DNAI2: variants seen among roughly 807,000 people sequenced by gnomAD.
DNAI2 encodes the protein dynein axonemal intermediate chain 2.
In DNAI2, 63 loss-of-function variants were observed where a neutral mutation model predicts 74.7. That is an observed-to-expected ratio of 0.84 (90% CI 0.69 to 1.04). The LOEUF is 1.04. Among genes scored for constraint, DNAI2 ranks in the 50% least tolerant of loss-of-function variants. The probability of loss-of-function intolerance (pLI) is 0.00; values close to 1 mark genes in which losing one functional copy is unlikely to be tolerated. For synonymous variants in DNAI2, 289 were observed against 314.9 expected (o/e 0.92, Z 0.87); for missense variants, 688 against 803.2 (o/e 0.86, Z 1.73).
intron 8 of DNAI2, among the ~76,000 whole-genome samples, chr17:74,301,711 C>T (rs1354141130): frequency 1.3e-5 from 2 of 151,598 alleles, no homozygotes; most frequent in East Asian, 1.9e-4. Context: ...GGGTGGCTCA[C>T]GCCTGTAATC....
chr17:74,285,472 C>G (rs1372535349), intron 3 of DNAI2, among the ~76,000 whole-genome samples: 1 of 152,134 alleles, frequency 6.6e-6, no homozygotes, highest in Admixed American at 6.5e-5. Context: ...AAGTGCCCCA[C>G]CCAGCAGCCA....
Position 74,300,905 on chromosome 17 carries a change from A to C in DNAI2, c.865-141A>C. 8.6e-7 allele frequency: 1 copy of C among 1,160,042 alleles called. No individual in the cohort carries two copies. The highest frequency in any genetic ancestry group is 1.3e-6 in the Non-Finnish European group (1 of 794,036). The allele number at this position is 1,160,042 out of a possible 1,614,324, so 71.9% of individuals were successfully genotyped here. A position where few individuals can be genotyped will look rare whatever the true frequency, so the allele number is the denominator to read the frequency against. On this transcript the variant is annotated intron_variant, in intron 7 of 13. Transcript: ENST00000311014. The surrounding 1 kb of genome is among the most constrained non-coding windows in gnomAD (Gnocchi z 4.5). The stretch of plus-strand genomic sequence containing the variant: ...GACAGAACAGCAATCCTCAAAGTGT[A>C]TTTGCTCCCACGAATTGCCGGGAGC...
chr17:74,299,933 C>T, intron 7 of DNAI2, 76 bp downstream of exon 7: 2 of 1,589,356 alleles, frequency 1.3e-6, no homozygotes, highest in Non-Finnish European at 1.7e-6. Context: ...CATCAGAACC[C>T]CTGGGGACAT....
At chr17:74,312,295 G>A (rs2053577896) in intron 12 of DNAI2, 65 bp downstream of exon 12, 3 of 571,122 alleles carry the variant, frequency 5.3e-6, no homozygotes, top group Non-Finnish European at 1.0e-5. Flanking sequence ...CTTGGGTTCT[G>A]CTTCTGCTTG....
At chr17:74,284,138 C>CAA (rs545732470) in intron 2 of DNAI2, among the ~76,000 whole-genome samples, 2 of 72,346 alleles carry the variant, frequency 2.8e-5, no homozygotes, top group Non-Finnish European at 5.9e-5. Flanking sequence ...AACTCCTTTT[C>CAA]AAAAAAAAAA....
chr17:74,277,049 C>T (rs1409444586), intron 1 of DNAI2, among the ~76,000 whole-genome samples: 1 of 150,410 alleles, frequency 6.6e-6, no homozygotes, highest in Non-Finnish European at 1.5e-5. Flanking sequence ...CCCTCTAAGC[C>T]ATTGCTCCCA....
At chr17:74,296,496 G>A (rs867170937) in intron 6 of DNAI2, among the ~76,000 whole-genome samples, 1 of 152,148 alleles carries the variant, frequency 6.6e-6, no homozygotes, top group South Asian at 2.1e-4. Context: ...CAAAGTACAG[G>A]CGTGAGCCAC....
chr17:74,298,436 C>G (rs959437092), intron 6 of DNAI2, among the ~76,000 whole-genome samples: 1 of 152,118 alleles, frequency 6.6e-6, no homozygotes, highest in East Asian at 1.9e-4. Flanking sequence ...TCCTGAGAAG[C>G]TGGGATTACA....
intron 4 of DNAI2, among the ~76,000 whole-genome samples, 168 bp downstream of exon 4, chr17:74,287,266 G>T (rs146452121): frequency 6.6e-6 from 1 of 152,346 alleles, no homozygotes; most frequent in East Asian, 1.9e-4. Context: ...AAGTGGCCCT[G>T]CTCTGGGGGC....
chr17:74,277,033 C>G (rs1419145029), intron 1 of DNAI2, among the ~76,000 whole-genome samples: 1 of 151,696 alleles, frequency 6.6e-6, no homozygotes, highest in Non-Finnish European at 1.5e-5. Context: ...CTCATCCCAC[C>G]CTGTGCCCTC....
At chr17:74,290,136 T>C (rs2051999417) in intron 5 of DNAI2, among the ~76,000 whole-genome samples, 1 of 152,152 alleles carries the variant, frequency 6.6e-6, no homozygotes, top group Non-Finnish European at 1.5e-5. Flanking sequence ...GCTAACATGA[T>C]AAAACCCTGT....
At position 74,289,566 on chromosome 17, in the gene DNAI2, C is replaced by T. The variant is rs62065706; in HGVS notation, c.468-28C>T. 0.15 allele frequency: 237,373 copies of T among 1,612,230 alleles called. 18,812 individuals are homozygous for T. Among genetic ancestry groups the T allele is most frequent in the Non-Finnish European group, 0.16 (192,813 of 1,179,118 alleles). ...GAAATTGGGGAACCTCACATCCAGC[C>T]TTCTGCTCTCTTCCCTCTCCCCTGC... On this transcript the variant is annotated intron_variant, in intron 4 of 13. Transcript: ENST00000311014.
intron 1 of DNAI2, among the ~76,000 whole-genome samples, chr17:74,275,159 C>T (rs1006089228): frequency 6.6e-6 from 1 of 152,130 alleles, no homozygotes; most frequent in African/African-American, 2.4e-5. Flanking sequence ...TCCCTGGGGA[C>T]GGGAGTGAAT....
chr17:74,287,421 C>T (rs983266341), intron 4 of DNAI2, among the ~76,000 whole-genome samples: 4 of 152,220 alleles, frequency 2.6e-5, no homozygotes, highest in East Asian at 1.9e-4. Context: ...CACAGGCCCC[C>T]GCCGCGGCCT....
intron 8 of DNAI2, among the ~76,000 whole-genome samples, chr17:74,304,179 C>CTTTTTTTTTTTTTTT (rs1274454696): frequency 9.8e-6 from 1 of 101,942 alleles, no homozygotes; most frequent in African/African-American, 3.5e-5. Context: ...TTTTCTTTTT[C>CTTTTTTTTTTTTTTT]TTTTTTCTTT....
chr17:74,301,914 G>A (rs867625802), intron 8 of DNAI2, among the ~76,000 whole-genome samples: 30 of 8,444 alleles, frequency 3.6e-3, no homozygotes, highest in African/African-American at 4.5e-3. Flanking sequence ...AAGGAAAGAA[G>A]GAAGGAAGGA....
rs867150210 is a variant in DNAI2 at position 74,291,790 on chromosome 17, C to T, written c.724+657C>T. Among the ~76,000 whole-genome samples the T allele has an allele frequency of 1.9e-4, 29 of 152,142 alleles. No individual in the cohort carries two copies. The Middle Eastern group carries it at 0.01, about 54-fold the overall frequency. On this transcript the variant is annotated intron_variant, in intron 6 of 13. Coordinates refer to ENST00000311014, the MANE Select transcript of DNAI2 (RefSeq NM_023036.6). ...GGTTTCTGGGAAACCTACATGCTAACGGATATGGGTAATACTGGCCTTATA... is the reference window on the plus strand; with the variant it reads ...GGTTTCTGGGAAACCTACATGCTAATGGATATGGGTAATACTGGCCTTATA...
In DNAI2 at chr17:74,281,798, G is replaced by GT; in HGVS notation, c.-11-9_-11-8insT. ...GTCCCTCACCCCACACCCTCCCTCTGCCCCCCAGCAGCCGGCACCATGGAG... is the reference window on the plus strand; with the variant it reads ...GTCCCTCACCCCACACCCTCCCTCTGTCCCCCCAGCAGCCGGCACCATGGAG... On this transcript the variant is annotated splice_polypyrimidine_tract_variant and intron_variant, in intron 1 of 13. Transcript: ENST00000311014. The GT allele has an allele frequency of 6.2e-7, 1 of 1,613,032 alleles. No homozygotes were observed. The highest frequency in any genetic ancestry group is 8.5e-7 in the Non-Finnish European group (1 of 1,179,994).
At chr17:74,306,879 A>G (rs2053219719) in intron 9 of DNAI2, among the ~76,000 whole-genome samples, 1 of 152,192 alleles carries the variant, frequency 6.6e-6, no homozygotes, top group South Asian at 2.1e-4. Flanking sequence ...CAGCCTCCCG[A>G]AGGGCTGGGA....
Sources: gnomAD v4.1 joint callset for allele counts (sites outside exome capture counted in the v4.1 genomes callset) on GRCh38, gnomAD v4.1.1 for gene constraint, Gnocchi (gnomAD v3.1) non-coding constraint, MANE v1.5 for transcripts, NCBI Gene and HGNC (gene_info 2026-07-23, HGNC 2026-07-21) for gene names.